The following PDS5B variants were observed in gnomAD, a reference collection of about 807,000 sequenced individuals.
PDS5B encodes the protein PDS5 cohesin associated factor B.
PDS5B carries 51 observed loss-of-function variants against 184.1 expected under a neutral mutation model. That is an observed-to-expected ratio of 0.28 (90% CI 0.22 to 0.35). The LOEUF is 0.35. PDS5B is among the 10% of genes least tolerant of loss of function. The pLI is 1.00. For synonymous variants in PDS5B, 566 were observed against 569.2 expected, an observed-to-expected ratio of 0.99 and a Z score of 0.08; for missense variants, 1,180 against 1,723.3, an observed-to-expected ratio of 0.68 and a Z score of 5.58.
intron 34 of PDS5B, among the ~76,000 whole-genome samples, chr13:32,773,747 A>G (rs966636006): frequency 6.6e-6 from 1 of 152,154 alleles, no homozygotes; most frequent in African/African-American, 2.4e-5. Context: ...GCTGAATGAG[A>G]ATTCATAAAA....
At chr13:32,773,459 T>G (rs1369058877) in intron 34 of PDS5B, 135 bp downstream of exon 34, 13 of 765,992 alleles carry the variant, frequency 1.7e-5, no homozygotes, top group Non-Finnish European at 2.7e-5. Context: ...ATCTACCAGG[T>G]TGGATAATGG....
At chr13:32,668,064 C>G (rs957174501) in intron 7 of PDS5B, among the ~76,000 whole-genome samples, 2 of 152,102 alleles carry the variant, frequency 1.3e-5, no homozygotes, top group Non-Finnish European at 2.9e-5. Context: ...TATCTTCTTT[C>G]AAATTGCCTG....
Position 32,667,843 on chromosome 13 carries a change from A to T in PDS5B, c.704A>T (p.Asn235Ile). 1 of 1,540,858 alleles carries T rather than the reference A, an allele frequency of 6.5e-7. No homozygotes were observed. Among genetic ancestry groups the T allele is most frequent in the Non-Finnish European group, 8.8e-7 (1 of 1,138,710 alleles). The part of the protein sequence containing the change: ...TAQAIEPYIT[N>I]FFNQVLMLGK... ...CAAGCTATTGAGCCATATATTACCA[A>T]TGTAAGTCTTACTTGTAATTGGTTG... The change falls in exon 7 of 35, where the codon AAT (asparagine) becomes ATT (isoleucine). Residue 235 changes from asparagine to isoleucine, a missense_variant and splice_region_variant. Physicochemically the swap from Asn to Ile is moderately radical, Grantham distance 149. Coordinates refer to ENST00000315596, the MANE Select transcript of PDS5B (RefSeq NM_015032.4).
chr13:32,770,037 A>G (rs1954723659), intron 31 of PDS5B, 84 bp from the exon 32 acceptor site: 8 of 1,180,150 alleles, frequency 6.8e-6, no homozygotes, highest in Non-Finnish European at 9.6e-6. Flanking sequence ...ACAACATTAG[A>G]TAACAGATTT....
chr13:32,752,710 G>C (rs1954029263), intron 24 of PDS5B, among the ~76,000 whole-genome samples: 1 of 152,128 alleles, frequency 6.6e-6, no homozygotes, highest in Admixed American at 6.6e-5. Context: ...TTTAGGAGAG[G>C]GGAGTAGTAT....
chr13:32,644,079 A>C (rs543997063), intron 1 of PDS5B, among the ~76,000 whole-genome samples: 20 of 152,264 alleles, frequency 1.3e-4, no homozygotes, highest in African/African-American at 4.3e-4. Flanking sequence ...ATATTGAATA[A>C]AAGTGCTGGG....
At chr13:32,734,577 C>T (rs1247685096) in intron 20 of PDS5B, among the ~76,000 whole-genome samples, 2 of 152,216 alleles carry the variant, frequency 1.3e-5, no homozygotes, top group Admixed American at 1.3e-4. Flanking sequence ...ACCCTCTAAT[C>T]AGTGGCTTAG....
At position 32,776,569 on chromosome 13, in the gene PDS5B, T is replaced by C. The variant is rs1954964105; in HGVS notation, c.*1517T>C. 1.3e-5 allele frequency: 2 copies of C among 152,154 alleles called. No homozygotes were observed. The allele number at this position is 152,154 out of a possible 1,614,324, so 9.4% of individuals were successfully genotyped here. A position where few individuals can be genotyped will look rare whatever the true frequency, so the allele number is the denominator to read the frequency against. ...AATTTCATTTTAGTATTTTAGGTGC[T>C]GTTATGTTTTTTCATGGTTAACACC... On this transcript the variant is annotated 3_prime_UTR_variant, in exon 35 of 35. Coordinates refer to ENST00000315596, the MANE Select transcript of PDS5B (RefSeq NM_015032.4).
intron 10 of PDS5B, among the ~76,000 whole-genome samples, chr13:32,679,884 A>AGTGTGTGTGTGT (rs34635708): frequency 1.4e-5 from 2 of 143,616 alleles, no homozygotes; most frequent in African/African-American, 2.6e-5. Flanking sequence ...TTCGTCTGTG[A>AGTGTGTGTGTGT]GTGTGTGTGT....
chr13:32,732,294 G>A, intron 20 of PDS5B, 70 bp downstream of exon 20: 1 of 1,107,818 alleles, frequency 9.0e-7, no homozygotes, highest in South Asian at 1.4e-5. Flanking sequence ...ATGATTTTAT[G>A]GAATGTTCAC....
intron 1 of PDS5B, among the ~76,000 whole-genome samples, chr13:32,633,003 T>C (rs2058481977): frequency 6.6e-6 from 1 of 152,102 alleles, no homozygotes; most frequent in Non-Finnish European, 1.5e-5. Context: ...CAAAAGAATT[T>C]AAGCTCTGAT....
At chr13:32,586,972 C>T (rs1282095436) in intron 1 of PDS5B, among the ~76,000 whole-genome samples, 6 of 140,518 alleles carry the variant, frequency 4.3e-5, no homozygotes, top group Non-Finnish European at 9.3e-5. Flanking sequence ...CTCGGGGCCG[C>T]CCGGCCGCCC....
chr13:32,608,496 A>G (rs1010172431), intron 1 of PDS5B, among the ~76,000 whole-genome samples: 1 of 152,168 alleles, frequency 6.6e-6, no homozygotes, highest in African/African-American at 2.4e-5. Context: ...AACGAATTGT[A>G]GGAAGCGTTT....
chr13:32,694,842 AG>A (rs1386351927), intron 14 of PDS5B, among the ~76,000 whole-genome samples: 3 of 128,096 alleles, frequency 2.3e-5, no homozygotes, highest in East Asian at 2.0e-4. Context: ...GAATGATTCT[AG>A]GGTTTTTTTT....
chr13:32,736,343 G>A (rs191008790), intron 21 of PDS5B, among the ~76,000 whole-genome samples: 10 of 151,230 alleles, frequency 6.6e-5, no homozygotes, highest in Non-Finnish European at 1.3e-4. Context: ...GTTTTTGTTT[G>A]TCTGGAAAGA....
In PDS5B at chr13:32,635,985, G is replaced by A. The variant is rs149182552; in HGVS notation, c.-19-12769G>A. ...GGGGTTTCACCGTGTTAGCCATGAT[G>A]GTCTCGATCTCCTGACCTTGTGATC... On this transcript the variant is annotated intron_variant, in intron 1 of 34. Transcript: ENST00000315596. 2.9e-3 allele frequency among the ~76,000 whole-genome samples: 442 copies of A among 151,770 alleles called. 5 individuals are homozygous for A. Among genetic ancestry groups the A allele is most frequent in the African/African-American group, 0.01 (429 of 41,382 alleles).
rs1954931240 is a variant in PDS5B at position 32,775,604 on chromosome 13, C to G, written c.*552C>G. 3 of 455,458 alleles carry G rather than the reference C, an allele frequency of 6.6e-6. No individual in the cohort carries two copies. Among genetic ancestry groups the G allele is most frequent in the Admixed American group, 2.4e-5 (1 of 42,438 alleles). The allele number at this position is 455,458 out of a possible 1,614,324, so 28.2% of individuals were successfully genotyped here. A position where few individuals can be genotyped will look rare whatever the true frequency, so the allele number is the denominator to read the frequency against. ...CTTACCTAGTGTTTACTCCTGGGCA[C>G]CCTTAATCTTCAGAGGTGCTAAATT... is the stretch of plus-strand genomic sequence containing the variant. On this transcript the variant is annotated 3_prime_UTR_variant, in exon 35 of 35. Coordinates refer to ENST00000315596, the MANE Select transcript of PDS5B (RefSeq NM_015032.4).
At chr13:32,627,772 G>C (rs148085613) in intron 1 of PDS5B, among the ~76,000 whole-genome samples, 2 of 152,188 alleles carry the variant, frequency 1.3e-5, no homozygotes, top group East Asian at 3.8e-4. Context: ...TTTAGATCTG[G>C]AAGGTGGGAT....
At chr13:32,702,117 T>C (rs1023331056) in intron 17 of PDS5B, among the ~76,000 whole-genome samples, 3 of 152,144 alleles carry the variant, frequency 2.0e-5, no homozygotes, top group Non-Finnish European at 4.4e-5. Flanking sequence ...TCAGTAGTGT[T>C]CTTTGAGGGG....
Sources: gnomAD v4.1 joint callset for allele counts (sites outside exome capture counted in the v4.1 genomes callset) on GRCh38, gnomAD v4.1.1 for gene constraint, MANE v1.5 for transcripts, NCBI Gene and HGNC (gene_info 2026-07-23, HGNC 2026-07-21) for gene names.